HERC4: variants seen among roughly 807,000 people sequenced by gnomAD.
HERC4 encodes the protein HECT and RLD domain containing E3 ubiquitin protein ligase 4.
HERC4 carries 28 observed loss-of-function variants against 124.3 expected under a neutral mutation model. That is an observed-to-expected ratio of 0.23 (90% confidence interval 0.17 to 0.31). The LOEUF (loss-of-function observed/expected upper bound fraction) is 0.31. HERC4 is among the 10% of genes least tolerant of loss of function. The probability of loss-of-function intolerance (pLI) is 1.00; values close to 1 mark genes in which losing one functional copy is unlikely to be tolerated. For missense variants in HERC4, 713 were observed against 1,229.3 expected (o/e 0.58, Z 6.28); for synonymous variants, 407 against 421.5 (o/e 0.97, Z 0.42).
At chr10:67,974,369 C>A (rs181580415) in intron 15 of HERC4, among the ~76,000 whole-genome samples, 1 of 152,270 alleles carries the variant, frequency 6.6e-6, no homozygotes, top group African/African-American at 2.4e-5. Context: ...TAAAGTTGAT[C>A]TAACATACAA....
At chr10:68,059,815 T>C (rs1375842135) in intron 3 of HERC4, among the ~76,000 whole-genome samples, 10 of 81,654 alleles carry the variant, frequency 1.2e-4, no homozygotes, top group Non-Finnish European at 1.7e-4. Flanking sequence ...TATTATAATA[T>C]TATATATCAT....
intron 15 of HERC4, among the ~76,000 whole-genome samples, chr10:67,967,565 C>T (rs2034964188): frequency 1.3e-5 from 2 of 152,044 alleles, no homozygotes; most frequent in East Asian, 3.9e-4. Context: ...CAAATTACCA[C>T]CCTAGAGATT....
At chr10:67,971,363 T>C (rs1366210897) in intron 15 of HERC4, among the ~76,000 whole-genome samples, 1 of 152,038 alleles carries the variant, frequency 6.6e-6, no homozygotes, top group African/African-American at 2.4e-5. Flanking sequence ...ATATCCCTCA[T>C]GAACACAGAT....
chr10:67,988,627 G>T, intron 15 of HERC4, 36 bp downstream of exon 15: 1 of 1,303,148 alleles, frequency 7.7e-7, no homozygotes, highest in South Asian at 1.4e-5. Flanking sequence ...TAATAGGAAT[G>T]GGGAAAGAGG....
intron 3 of HERC4, among the ~76,000 whole-genome samples, chr10:68,048,811 A>G (rs2040143079): frequency 6.6e-6 from 1 of 152,176 alleles, no homozygotes; most frequent in Admixed American, 6.5e-5. Flanking sequence ...TGAACCTAAA[A>G]CACTGCTCTA....
In HERC4 at chr10:68,070,972, T is replaced by C. The variant is rs1050233924; in HGVS notation, c.226+1911A>G. ...TAGGCTCAAAGTGCATGGCACATCA[T>C]GTCTAATTTCCAGTTCTCTCCAGTT... On this transcript the variant is annotated intron_variant, in intron 3 of 24. Transcript: ENST00000373700. Among the ~76,000 whole-genome samples, 14 of 152,230 alleles carry C rather than the reference T, an allele frequency of 9.2e-5. No homozygotes were observed. In the East Asian group the frequency reaches 1.3e-3, roughly 15 times the overall value.
chr10:68,071,809 T>C (rs1361542389), intron 3 of HERC4, among the ~76,000 whole-genome samples: 1 of 152,060 alleles, frequency 6.6e-6, no homozygotes, highest in African/African-American at 2.4e-5. Context: ...AAAAAATAAA[T>C]TACAAATTAA....
intron 16 of HERC4, among the ~76,000 whole-genome samples, chr10:67,962,254 A>G (rs977227723): frequency 1.3e-5 from 2 of 151,562 alleles, no homozygotes; most frequent in African/African-American, 4.8e-5. Context: ...AAATTTATCT[A>G]TGGCCTGCTT....
chr10:68,062,653 AG>A (rs1397415102), intron 3 of HERC4, among the ~76,000 whole-genome samples: 1 of 151,886 alleles, frequency 6.6e-6, no homozygotes, highest in African/African-American at 2.4e-5. Context: ...CCAGCTACTC[AG>A]GAGGCTGAGG....
chr10:67,982,868 C>T (rs1052396069), intron 15 of HERC4, among the ~76,000 whole-genome samples: 2 of 152,112 alleles, frequency 1.3e-5, no homozygotes, highest in African/African-American at 2.4e-5. Flanking sequence ...TGGCTCATGC[C>T]TGTAATCCCA....
At chr10:67,992,362 T>C in intron 10 of HERC4, 39 bp from the exon 11 acceptor site, 3 of 1,599,634 alleles carry the variant, frequency 1.9e-6, no homozygotes, top group Non-Finnish European at 1.7e-6. Flanking sequence ...GGAAGAGATA[T>C]TATATATAAC....
At chr10:67,973,571 T>C (rs1244539541) in intron 15 of HERC4, among the ~76,000 whole-genome samples, 1 of 152,214 alleles carries the variant, frequency 6.6e-6, no homozygotes, top group African/African-American at 2.4e-5. Flanking sequence ...TTATGAATAT[T>C]ATTCGGCTGA....
intron 3 of HERC4, among the ~76,000 whole-genome samples, chr10:68,049,287 T>C (rs1232432734): frequency 6.6e-6 from 1 of 151,922 alleles, no homozygotes; most frequent in African/African-American, 2.4e-5. Flanking sequence ...TGTGGAATAG[T>C]GTACATGATT....
At position 67,992,289 on chromosome 10, in the gene HERC4, T is replaced by C. The variant is rs1180857414; in HGVS notation, c.1181A>G (p.Asn394Ser). ...CACTGTCCAGATCTGCTTTGTCGGA[T>C]TGGGACATCTGAAGTCATCTGGTGG... ...CGPPDDFRCP[N>S]PTKQIWTVNE... Residue 394 changes from asparagine (N) to serine (S), a missense_variant, in exon 11 of 25, where the codon AAT (asparagine) becomes AGT (serine). Coordinates refer to ENST00000373700, the MANE Select transcript of HERC4 (RefSeq NM_015601.4). 4 of 1,613,922 alleles carry C rather than the reference T, an allele frequency of 2.5e-6. No individual in the cohort carries two copies. Among genetic ancestry groups the C allele is most frequent in the Admixed American group, 3.3e-5 (2 of 60,008 alleles).
At chr10:67,957,252 T>C (rs80039640) in intron 16 of HERC4, among the ~76,000 whole-genome samples, 4,556 of 152,304 alleles carry the variant, frequency 0.03, 236 homozygotes, top group African/African-American at 0.1. Flanking sequence ...ATTGCAAATC[T>C]CAGTGAATGA....
At chr10:67,976,186 T>G (rs188803096) in intron 15 of HERC4, among the ~76,000 whole-genome samples, 2 of 152,164 alleles carry the variant, frequency 1.3e-5, no homozygotes, top group African/African-American at 4.8e-5. Context: ...AGAAAAAGTT[T>G]GCAGGTCCTA....
chr10:67,967,215 T>G (rs557355048), intron 15 of HERC4, among the ~76,000 whole-genome samples: 1 of 152,326 alleles, frequency 6.6e-6, no homozygotes, highest in Admixed American at 6.5e-5. Context: ...TTAGCTATTT[T>G]TTTCTTCCTA....
At chr10:68,039,796 T>C (rs1212114013) in intron 4 of HERC4, 2 of 1,142,114 alleles carry the variant, frequency 1.8e-6, no homozygotes, top group Non-Finnish European at 2.2e-6. Context: ...TGTTATTGTT[T>C]ATGCATACTA....
At position 67,922,892 on chromosome 10, in the gene HERC4, A is replaced by T; in HGVS notation, c.*39T>A. On this transcript the variant is annotated 3_prime_UTR_variant, in exon 25 of 25. Coordinates refer to ENST00000373700, the MANE Select transcript of HERC4 (RefSeq NM_015601.4). The stretch of plus-strand genomic sequence containing the variant: ...ACCACAAGAAAAACACAAATAGTTT[A>T]ATGCTTTTGCACTAAACTGAATAGT... The T allele has an allele frequency of 7.4e-7, 1 of 1,354,078 alleles. No homozygotes were observed. Among genetic ancestry groups the T allele is most frequent in the Non-Finnish European group, 1.0e-6 (1 of 972,066 alleles). The allele number at this position is 1,354,078 out of a possible 1,614,324, so 83.9% of individuals were successfully genotyped here. A position where few individuals can be genotyped will look rare whatever the true frequency, so the allele number is the denominator to read the frequency against.
Sources: gnomAD v4.1 joint callset for allele counts (sites outside exome capture counted in the v4.1 genomes callset) on GRCh38, gnomAD v4.1.1 for gene constraint, MANE v1.5 for transcripts, NCBI Gene and HGNC (gene_info 2026-07-23, HGNC 2026-07-21) for gene names.